RAB4A: variants seen among roughly 807,000 people sequenced by gnomAD.
The protein encoded by RAB4A is ras-related protein Rab-4A.
A neutral mutation model predicts 34.5 loss-of-function variants in RAB4A; 20 were observed. The ratio of observed to expected loss-of-function variants is 0.58; its 90% CI spans 0.41 to 0.84. The LOEUF is 0.84. RAB4A is among the 40% of genes least tolerant of loss of function. The pLI, the probability that RAB4A is intolerant of heterozygous loss-of-function variation, is 0.00. For missense variants in RAB4A, 228 were observed against 274.5 expected, an observed-to-expected ratio of 0.83 and a Z score of 1.20; for synonymous variants, 102 against 100.0, an observed-to-expected ratio of 1.02 and a Z score of -0.12.
intron 2 of RAB4A, among the ~76,000 whole-genome samples, chr1:229,287,831 C>G (rs1206313457): frequency 6.6e-6 from 1 of 152,150 alleles, no homozygotes; most frequent in African/African-American, 2.4e-5. Context: ...CCAGTGGCAT[C>G]CCTGATCTCT....
At chr1:229,292,590 G>C (rs1016630696) in intron 3 of RAB4A, among the ~76,000 whole-genome samples, 3 of 152,196 alleles carry the variant, frequency 2.0e-5, no homozygotes, top group Non-Finnish European at 4.4e-5. Flanking sequence ...CTTGCTAACA[G>C]TCTCAAGGCA....
chr1:229,281,679 C>G (rs1656780989), intron 1 of RAB4A, among the ~76,000 whole-genome samples: 1 of 151,720 alleles, frequency 6.6e-6, no homozygotes, highest in African/African-American at 2.4e-5. Flanking sequence ...TCTCAGTTTT[C>G]TTTTCCAGCC....
At chr1:229,302,291 ATATATATATATATATATATTTTTTTT>A (rs1657421046) in intron 6 of RAB4A, among the ~76,000 whole-genome samples, 1 of 23,066 alleles carries the variant, frequency 4.3e-5, no homozygotes, top group South Asian at 1.0e-3. Flanking sequence ...ATATATATAT[ATATATATATATATATATATTTTTTTT>A]TTTTTTTTAC....
chr1:229,288,935 C>G (rs890159355), intron 3 of RAB4A, 92 bp downstream of exon 3: 3 of 740,552 alleles, frequency 4.1e-6, no homozygotes, highest in Admixed American at 5.7e-5. Flanking sequence ...CACTCCCTCC[C>G]CAACACACCC....
rs1215695454 is a variant in RAB4A at position 229,297,380 on chromosome 1, AC to A, written c.291-99del. 21 of 1,207,292 alleles carry A rather than the reference AC, an allele frequency of 1.7e-5. No homozygotes were observed. The East Asian group carries it at 3.9e-4, about 23-fold the overall frequency. The allele number at this position is 1,207,292 out of a possible 1,614,324, so 74.8% of individuals were successfully genotyped here. On this transcript the variant is annotated intron_variant, in intron 4 of 7. Transcript: ENST00000366690. Reference sequence around the variant, plus strand: ...TTATCTTAAAGGTGTTGGTGCCATTACCCTGAAATGTTGAAAAGCGGTATGA... The same window carrying A: ...TTATCTTAAAGGTGTTGGTGCCATTACCTGAAATGTTGAAAAGCGGTATGA...
At chr1:229,302,420 C>A (rs2102681223) in intron 6 of RAB4A, among the ~76,000 whole-genome samples, 1 of 147,416 alleles carries the variant, frequency 6.8e-6, no homozygotes, top group Non-Finnish European at 1.5e-5. Context: ...TAGAGGCTGT[C>A]ACATTTTCTC....
At chr1:229,290,397 A>G (rs1337297538) in intron 3 of RAB4A, among the ~76,000 whole-genome samples, 2 of 152,164 alleles carry the variant, frequency 1.3e-5, no homozygotes, top group Admixed American at 6.5e-5. Flanking sequence ...TATGTCCCAC[A>G]TAGGAGAAAG....
intron 1 of RAB4A, among the ~76,000 whole-genome samples, chr1:229,286,087 G>A (rs1455457509): frequency 6.6e-6 from 1 of 152,144 alleles, no homozygotes; most frequent in East Asian, 1.9e-4. Flanking sequence ...AGAAGAAAGA[G>A]GTAGACTCTT....
rs1322549913 is a variant in RAB4A, at chr1:229,298,978, G to A, written c.447G>A (p.Glu149=). 1 of 1,606,402 alleles carries A rather than the reference G, an allele frequency of 6.2e-7. No homozygotes were observed. The highest frequency in any genetic ancestry group is 1.7e-5 in the Admixed American group (1 of 58,048). ...LEASRFAQEN[E]LMFLETSALT... The stretch of plus-strand genomic sequence containing the variant: ...TATTTTGTTTGATGTCCATTTTAGA[G>A]CTGATGTTTTTGGAAACAAGTGCGC... Residue 149 remains glutamate, a splice_region_variant and synonymous_variant, in exon 6 of 8, where the codon GAG becomes GAA. Transcript: ENST00000366690.
In RAB4A at chr1:229,305,114, GAC is replaced by G. The variant is rs970218731; in HGVS notation, c.*1325_*1326del. On this transcript the variant is annotated 3_prime_UTR_variant, in exon 8 of 8. Coordinates refer to ENST00000366690, the MANE Select transcript of RAB4A (RefSeq NM_004578.4). Reference sequence around the variant, plus strand: ...TTTATTTTAATCAGCAGAGCACAGAGACACATAAAAACTCTGGGAAATGACTA... The same window carrying G: ...TTTATTTTAATCAGCAGAGCACAGAGACATAAAAACTCTGGGAAATGACTA... The G allele has an allele frequency of 1.3e-6, 2 of 1,566,064 alleles. No homozygotes were observed. The highest frequency in any genetic ancestry group is 2.8e-5 in the African/African-American group (2 of 72,526).
At chr1:229,271,582 G>T (rs942372840) in intron 1 of RAB4A, among the ~76,000 whole-genome samples, 3 of 152,044 alleles carry the variant, frequency 2.0e-5, no homozygotes, top group Admixed American at 6.5e-5. Flanking sequence ...GGGCGCGGGG[G>T]CGCTGTGCAC....
intron 3 of RAB4A, among the ~76,000 whole-genome samples, chr1:229,294,302 C>T (rs1027413698): frequency 1.3e-5 from 2 of 152,198 alleles, no homozygotes; most frequent in East Asian, 1.9e-4. Flanking sequence ...TCTGGGGAAT[C>T]GCAATCCCAG....
chr1:229,271,984 T>A (rs1295290019), intron 1 of RAB4A, among the ~76,000 whole-genome samples: 1 of 152,222 alleles, frequency 6.6e-6, no homozygotes, highest in Non-Finnish European at 1.5e-5. Context: ...GTCTCCTTCT[T>A]AAGACCGTAA....
intron 1 of RAB4A, among the ~76,000 whole-genome samples, chr1:229,274,446 T>G (rs1571819274): frequency 2.6e-5 from 4 of 152,334 alleles, no homozygotes; most frequent in Admixed American, 2.6e-4. Flanking sequence ...TATTTCACCT[T>G]CCATAGACTG....
intron 1 of RAB4A, among the ~76,000 whole-genome samples, chr1:229,272,495 A>C (rs477180): frequency 6.6e-6 from 1 of 152,166 alleles, no homozygotes; most frequent in Admixed American, 6.5e-5. Flanking sequence ...TATTAATCCA[A>C]TTGTGATACT....
At chr1:229,303,022 T>A in intron 7 of RAB4A, 33 bp downstream of exon 7, 1 of 1,488,208 alleles carries the variant, frequency 6.7e-7, no homozygotes, top group Non-Finnish European at 9.4e-7. Context: ...CCTGAGTTCC[T>A]GGCAAGCTCA....
chr1:229,293,297 A>T (rs1468076610), intron 3 of RAB4A, among the ~76,000 whole-genome samples: 1 of 152,116 alleles, frequency 6.6e-6, no homozygotes, highest in African/African-American at 2.4e-5. Flanking sequence ...TTATCCATTG[A>T]TGATTGACTC....
At chr1:229,299,250 C>T (rs1056423986) in intron 6 of RAB4A, among the ~76,000 whole-genome samples, 178 bp downstream of exon 6, 1 of 152,178 alleles carries the variant, frequency 6.6e-6, no homozygotes, top group East Asian at 1.9e-4. Context: ...ATGAAAGCCC[C>T]ATCCTTATCA....
At chr1:229,293,651 C>G (rs961469384) in intron 3 of RAB4A, among the ~76,000 whole-genome samples, 3 of 152,096 alleles carry the variant, frequency 2.0e-5, no homozygotes, top group Non-Finnish European at 4.4e-5. Context: ...GAGCCCTGCC[C>G]CATGGAGGGG....
Sources: allele counts gnomAD v4.1 joint callset (sites outside exome capture counted in the v4.1 genomes callset), GRCh38; gene constraint gnomAD v4.1.1; transcripts MANE v1.5; gene names NCBI Gene and HGNC (gene_info 2026-07-23, HGNC 2026-07-21).